The following CUX1 variants were observed in gnomAD, a reference collection of about 807,000 sequenced individuals.
The protein encoded by CUX1 is protein CASP.
Under a neutral mutation model 158.8 loss-of-function variants are expected in CUX1, and 31 were observed. The observed-to-expected ratio is 0.20, with a 90% CI of 0.15 to 0.26. The LOEUF (loss-of-function observed/expected upper bound fraction) is 0.26, where lower values mean the gene tolerates loss of function less well. Ranked by LOEUF, CUX1 falls within the 10% of genes least tolerant of loss-of-function variation. The pLI is 1.00. For synonymous variants in CUX1, 879 were observed against 862.1 expected (o/e 1.02, Z -0.34); for missense variants, 1,589 against 2,014.6 (o/e 0.79, Z 4.04).
intron 9 of CUX1, among the ~76,000 whole-genome samples, chr7:102,165,570 G>A (rs1231272828): frequency 2.0e-5 from 3 of 151,998 alleles, no homozygotes; most frequent in Non-Finnish European, 1.5e-5. Context: ...TCACCATGTT[G>A]ACCAGGCTGG....
chr7:101,901,604 A>G (rs1470987230), intron 1 of CUX1, among the ~76,000 whole-genome samples: 1 of 152,132 alleles, frequency 6.6e-6, no homozygotes, highest in Non-Finnish European at 1.5e-5. Context: ...CACAAAATCT[A>G]TTTTAATTCT....
At chr7:102,141,051 G>T (rs1834402205) in intron 8 of CUX1, among the ~76,000 whole-genome samples, 1 of 152,122 alleles carries the variant, frequency 6.6e-6, no homozygotes, top group Non-Finnish European at 1.5e-5. Flanking sequence ...CAAATCCAAT[G>T]ATGTCAGAGT....
intron 23 of CUX1, among the ~76,000 whole-genome samples, chr7:102,242,146 G>C (rs1433683531): frequency 6.6e-6 from 1 of 151,516 alleles, no homozygotes; most frequent in Non-Finnish European, 1.5e-5. Flanking sequence ...GTGGACAGGG[G>C]TTTCCTGAAG....
chr7:101,873,668 C>A (rs1422319407), intron 1 of CUX1, among the ~76,000 whole-genome samples: 1 of 152,178 alleles, frequency 6.6e-6, no homozygotes, highest in Non-Finnish European at 1.5e-5. Context: ...ACTGCAACCT[C>A]CACTTCCCGA....
chr7:102,041,253 A>ATCCT (rs1411639210), intron 3 of CUX1, among the ~76,000 whole-genome samples: 2 of 66,106 alleles, frequency 3.0e-5, no homozygotes, highest in African/African-American at 1.2e-4. Context: ...CCTCTTATCC[A>ATCCT]TTCTTTTTTT....
chr7:101,987,800 A>G (rs1814527549), intron 2 of CUX1, among the ~76,000 whole-genome samples: 1 of 152,236 alleles, frequency 6.6e-6, no homozygotes, highest in Admixed American at 6.5e-5. Context: ...CTGACTCCAT[A>G]TTACTCCTTA....
chr7:102,257,399 T>G lies in CUX1; in HGVS notation c.*8357T>G, dbSNP rs1484348658. Reference sequence around the variant, plus strand: ...CCCTTGAGAAAACGGGCATCTCACGTACCCCCATCTGAGACCTCTTGGAAA... The same window carrying G: ...CCCTTGAGAAAACGGGCATCTCACGGACCCCCATCTGAGACCTCTTGGAAA... On this transcript the variant is annotated 3_prime_UTR_variant, in exon 24 of 24. Transcript: ENST00000292535. 2 of 984,908 alleles carry G rather than the reference T, an allele frequency of 2.0e-6. No individual in the cohort carries two copies. The highest frequency in any genetic ancestry group is 3.5e-5 in the African/African-American group (2 of 57,094). The allele number at this position is 984,908 out of a possible 1,614,324, so 61.0% of individuals were successfully genotyped here. A position where few individuals can be genotyped will look rare whatever the true frequency, so the allele number is the denominator to read the frequency against.
chr7:102,231,898 A>T (rs987454995), intron 21 of CUX1, among the ~76,000 whole-genome samples: 1 of 151,686 alleles, frequency 6.6e-6, no homozygotes, highest in African/African-American at 2.4e-5. Context: ...TATTTTTAGT[A>T]GAGACGGGGT....
chr7:102,095,752 C>A (rs949819198), intron 4 of CUX1, among the ~76,000 whole-genome samples: 1 of 152,214 alleles, frequency 6.6e-6, no homozygotes, highest in Admixed American at 6.5e-5. Context: ...GACTAAATCT[C>A]TGCAGCCATC....
At chr7:101,902,504 A>G (rs1363929921) in intron 1 of CUX1, among the ~76,000 whole-genome samples, 1 of 152,198 alleles carries the variant, frequency 6.6e-6, no homozygotes, top group Non-Finnish European at 1.5e-5. Context: ...CTTAGATGAA[A>G]TGTAATCCAC....
At chr7:101,995,983 C>T (rs903002670) in intron 2 of CUX1, among the ~76,000 whole-genome samples, 1 of 151,956 alleles carries the variant, frequency 6.6e-6, no homozygotes, top group Non-Finnish European at 1.5e-5. Context: ...CATGGTGGTG[C>T]ACACCTGTAG....
intron 2 of CUX1, among the ~76,000 whole-genome samples, chr7:102,010,740 G>A (rs1037503786): frequency 4.6e-5 from 7 of 152,218 alleles, no homozygotes; most frequent in East Asian, 3.8e-4. Flanking sequence ...TTCTGCCGGC[G>A]GGCGTGAGGA....
intron 20 of CUX1, among the ~76,000 whole-genome samples, chr7:102,216,759 C>T (rs188028084): frequency 8.1e-4 from 119 of 147,136 alleles, no homozygotes; most frequent in African/African-American, 2.9e-3. Context: ...TGCACACACA[C>T]ACTCTTCCAC....
rs1554538431 is a variant in CUX1 at position 102,248,945 on chromosome 7, AC to A, written c.4426del (p.Leu1476CysfsTer9). 3 of 1,486,580 alleles carry A rather than the reference AC, an allele frequency of 2.0e-6. No individual in the cohort carries two copies. Among genetic ancestry groups the A allele is most frequent in the African/African-American group, 1.5e-5 (1 of 68,402 alleles). 92.1% of individuals were successfully genotyped at this position (1,486,580 alleles called of 1,614,324 possible). A position where few individuals can be genotyped will look rare whatever the true frequency, so the allele number is the denominator to read the frequency against. On this transcript the variant is annotated frameshift_variant, in exon 24 of 24. Coordinates refer to ENST00000292535, the MANE Select transcript of CUX1 (RefSeq NM_181552.4). LOFTEE classifies it high-confidence loss of function. The surrounding 1 kb of genome is among the most constrained non-coding windows in gnomAD (Gnocchi z 5.8). ...GCGGGCGCCCGGGACTCGCGCGACA[AC>A]CCCCTGCGCAAGAAGAAGGCCGCGA... The part of the protein sequence containing the change: ...EAAGARDSRD[N>X]PLRKKKAANL...
intron 2 of CUX1, among the ~76,000 whole-genome samples, chr7:101,974,403 C>A (rs534014936): frequency 6.6e-6 from 1 of 152,198 alleles, no homozygotes; most frequent in East Asian, 1.9e-4. Flanking sequence ...TTCAAAAGTT[C>A]TTATGAAATG....
At chr7:102,068,873 A>G (rs1482180974) in intron 3 of CUX1, among the ~76,000 whole-genome samples, 1 of 152,148 alleles carries the variant, frequency 6.6e-6, no homozygotes, top group Non-Finnish European at 1.5e-5. Flanking sequence ...ATATTCTAAC[A>G]AGTCAGTCCA....
intron 2 of CUX1, among the ~76,000 whole-genome samples, chr7:102,021,182 A>T (rs1226456213): frequency 6.6e-6 from 1 of 152,178 alleles, no homozygotes; most frequent in Non-Finnish European, 1.5e-5. Flanking sequence ...CTGAACTGTC[A>T]CTGTACAGGA....
chr7:101,908,550 C>A (rs1174108666), intron 1 of CUX1, among the ~76,000 whole-genome samples: 1 of 152,166 alleles, frequency 6.6e-6, no homozygotes, highest in Non-Finnish European at 1.5e-5. Flanking sequence ...CTCAGGTGAT[C>A]CACCCACCTC....
At chr7:102,076,349 C>T (rs1585554348) in intron 4 of CUX1, among the ~76,000 whole-genome samples, 1 of 151,862 alleles carries the variant, frequency 6.6e-6, no homozygotes, top group Non-Finnish European at 1.5e-5. Context: ...TGTACTACTG[C>T]ACTCCAGCCT....
Sources: gnomAD v4.1 joint callset for allele counts (sites outside exome capture counted in the v4.1 genomes callset) on GRCh38, gnomAD v4.1.1 for gene constraint, Gnocchi (gnomAD v3.1) non-coding constraint, MANE v1.5 for transcripts, NCBI Gene and HGNC (gene_info 2026-07-23, HGNC 2026-07-21) for gene names.